The following SYT1 variants were observed in gnomAD, a reference collection of about 807,000 sequenced individuals.
The protein encoded by SYT1 is synaptotagmin-1.
A neutral mutation model predicts 44.8 loss-of-function variants in SYT1; 8 were observed. That is an observed-to-expected ratio of 0.18 (90% confidence interval 0.10 to 0.32). The LOEUF is 0.32. Ranked by LOEUF, SYT1 falls within the 10% of genes least tolerant of loss-of-function variation. The pLI is 1.00. For missense variants in SYT1, 286 were observed against 509.3 expected (o/e 0.56, Z 4.22); for synonymous variants, 154 against 188.8 (o/e 0.82, Z 1.51).
chr12:79,244,076 A>G (rs1350444173), intron 4 of SYT1, among the ~76,000 whole-genome samples: 2 of 152,200 alleles, frequency 1.3e-5, no homozygotes, highest in African/African-American at 2.4e-5. Flanking sequence ...CACATTTTCA[A>G]TTGTGTTAAA....
At chr12:78,911,136 G>A (rs1876298853) in intron 1 of SYT1, among the ~76,000 whole-genome samples, 1 of 152,014 alleles carries the variant, frequency 6.6e-6, no homozygotes, top group South Asian at 2.1e-4. Context: ...GTAGCACTAA[G>A]GTGGATGTAG....
chr12:79,134,942 T>G (rs1243994075), intron 3 of SYT1, among the ~76,000 whole-genome samples: 2 of 151,946 alleles, frequency 1.3e-5, no homozygotes. Flanking sequence ...TATTGTATTG[T>G]ACACTTGAAA....
chr12:79,079,689 T>C (rs1338856023), intron 3 of SYT1, among the ~76,000 whole-genome samples: 1 of 152,128 alleles, frequency 6.6e-6, no homozygotes, highest in Non-Finnish European at 1.5e-5. Context: ...ATGCACGTTA[T>C]GTTATGAACA....
chr12:79,163,126 C>A (rs906674300), intron 3 of SYT1, among the ~76,000 whole-genome samples: 1 of 152,208 alleles, frequency 6.6e-6, no homozygotes, highest in East Asian at 1.9e-4. Flanking sequence ...TATATGCACC[C>A]AGAGACGTCA....
intron 3 of SYT1, among the ~76,000 whole-genome samples, chr12:79,186,190 A>G (rs1872790161): frequency 6.6e-6 from 1 of 152,038 alleles, no homozygotes; most frequent in African/African-American, 2.4e-5. Flanking sequence ...GAGTAATATG[A>G]CATAAAGTTC....
chr12:78,955,777 C>T (rs910856846), intron 1 of SYT1, among the ~76,000 whole-genome samples: 10 of 137,020 alleles, frequency 7.3e-5, no homozygotes, highest in Admixed American at 3.7e-4. Context: ...TGGGTCCATG[C>T]GTTTTATTTT....
chr12:79,194,218 G>A (rs992607899), intron 3 of SYT1, among the ~76,000 whole-genome samples: 3 of 151,984 alleles, frequency 2.0e-5, no homozygotes, highest in African/African-American at 7.3e-5. Flanking sequence ...ACCACACTTG[G>A]TTTGAAGTCT....
At chr12:79,310,348 A>G (rs1299261864) in intron 8 of SYT1, among the ~76,000 whole-genome samples, 1 of 152,000 alleles carries the variant, frequency 6.6e-6, no homozygotes, top group Non-Finnish European at 1.5e-5. Flanking sequence ...GTTATTTCTG[A>G]GGGCTCTGTT....
intron 9 of SYT1, among the ~76,000 whole-genome samples, chr12:79,427,496 G>A (rs1373610735): frequency 6.6e-6 from 1 of 152,144 alleles, no homozygotes; most frequent in Non-Finnish European, 1.5e-5. Context: ...ATGGTGGGAA[G>A]AAAACAATAA....
intron 4 of SYT1, among the ~76,000 whole-genome samples, chr12:79,280,215 C>T (rs887538063): frequency 1.3e-5 from 2 of 151,848 alleles, no homozygotes; most frequent in Non-Finnish European, 1.5e-5. Flanking sequence ...ACAAATCTGG[C>T]AATATCACAT....
intron 3 of SYT1, among the ~76,000 whole-genome samples, chr12:79,206,708 T>G (rs1874149952): frequency 6.6e-6 from 1 of 152,212 alleles, no homozygotes; most frequent in African/African-American, 2.4e-5. Flanking sequence ...CTGACAAAAT[T>G]CATTACTTCT....
chr12:79,107,940 G>T (rs1878808112), intron 3 of SYT1, among the ~76,000 whole-genome samples: 1 of 151,934 alleles, frequency 6.6e-6, no homozygotes, highest in African/African-American at 2.4e-5. Flanking sequence ...TGGGCTACTG[G>T]ATGGAAACAA....
At chr12:78,915,270 A>G (rs1337749016) in intron 1 of SYT1, among the ~76,000 whole-genome samples, 1 of 152,116 alleles carries the variant, frequency 6.6e-6, no homozygotes, top group African/African-American at 2.4e-5. Flanking sequence ...AGACTTTTGA[A>G]CTGCAAATTT....
chr12:78,930,805 A>C lies in SYT1; in HGVS notation c.-216-46994A>C, dbSNP rs186970195. On this transcript the variant is annotated intron_variant, in intron 1 of 10. Transcript: ENST00000261205. ...AGCTAAGCTTTAGAGTAATATACAG[A>C]TTTGTAATCTTGTGCCAATTGCTTT... Among the ~76,000 whole-genome samples, 4 of 152,034 alleles carry C rather than the reference A, an allele frequency of 2.6e-5. No individual in the cohort carries two copies. The East Asian group carries it at 7.8e-4, about 30-fold the overall frequency.
Position 79,217,704 on chromosome 12 carries a change from T to C in SYT1, c.166+19T>C. ...ATTCCATGTGAGTATTCTATATTAGTACTTGAGTAAAAATAAGTGGTTGAA... is the reference window on the plus strand; with the variant it reads ...ATTCCATGTGAGTATTCTATATTAGCACTTGAGTAAAAATAAGTGGTTGAA... On this transcript the variant is annotated intron_variant, in intron 4 of 10. Coordinates refer to ENST00000261205, the MANE Select transcript of SYT1 (RefSeq NM_005639.3). 6.3e-7 allele frequency: 1 copy of C among 1,583,476 alleles called. No homozygotes were observed. Among genetic ancestry groups the C allele is most frequent in the Non-Finnish European group, 8.6e-7 (1 of 1,164,250 alleles).
chr12:78,946,466 C>G (rs978199110), intron 1 of SYT1, among the ~76,000 whole-genome samples: 7 of 152,158 alleles, frequency 4.6e-5, no homozygotes, highest in African/African-American at 1.7e-4. Flanking sequence ...ACCAGCCTGG[C>G]CAACAAGGCA....
intron 9 of SYT1, among the ~76,000 whole-genome samples, chr12:79,397,675 A>T (rs976210235): frequency 6.6e-6 from 1 of 152,186 alleles, no homozygotes; most frequent in Non-Finnish European, 1.5e-5. Context: ...TACTGGGAAG[A>T]TTCTAATTGA....
intron 3 of SYT1, among the ~76,000 whole-genome samples, chr12:79,160,953 C>T (rs61927312): frequency 0.081 from 12,323 of 152,048 alleles, 649 homozygotes; most frequent in African/African-American, 0.15. Context: ...TAAGACTGGG[C>T]CAGGCGCAGT....
At chr12:79,089,983 C>T (rs995027605) in intron 3 of SYT1, among the ~76,000 whole-genome samples, 6 of 151,960 alleles carry the variant, frequency 3.9e-5, no homozygotes, top group Admixed American at 3.3e-4. Context: ...TATGTAACAA[C>T]GTGAGGGTGA....
Sources: gnomAD v4.1 joint callset for allele counts (sites outside exome capture counted in the v4.1 genomes callset) on GRCh38, gnomAD v4.1.1 for gene constraint, MANE v1.5 for transcripts, NCBI Gene and HGNC (gene_info 2026-07-23, HGNC 2026-07-21) for gene names.